Variants in PVT1 observed in about 807,000 individuals in gnomAD.
PVT1 encodes the protein Pvt1 oncogene.
Position 127,921,133 on chromosome 8 carries a change from C to T in PVT1, n.782+30135C>T, listed in dbSNP as rs151301756. Among the ~76,000 whole-genome samples, 150 of 152,236 alleles carry T rather than the reference C, an allele frequency of 9.9e-4. No homozygotes were observed. In the East Asian group the frequency reaches 0.016, roughly 16 times the overall value. On this transcript the variant is annotated intron_variant and non_coding_transcript_variant, in intron 3 of 10. Coordinates refer to ENST00000651587, the Ensembl canonical transcript of PVT1. ...GAAATTGCACGTTTTGTACCAGCTG[C>T]AGGGTTTCCTGGAATCAGCAAAGGC... is the stretch of plus-strand genomic sequence containing the variant.
chr8:127,838,733 T>C (rs2129711327), intron 2 of PVT1, among the ~76,000 whole-genome samples: 1 of 152,208 alleles, frequency 6.6e-6, no homozygotes, highest in East Asian at 1.9e-4. Flanking sequence ...AATGGTAGCT[T>C]CTATTTATTG....
intron 3 of PVT1, among the ~76,000 whole-genome samples, chr8:127,966,911 C>T (rs1361906394): frequency 1.3e-5 from 2 of 152,088 alleles, no homozygotes; most frequent in East Asian, 1.9e-4. Context: ...CCTTGATGTG[C>T]CGAGACTCCA....
At chr8:127,956,364 C>T (rs1049334373) in intron 3 of PVT1, among the ~76,000 whole-genome samples, 2 of 152,248 alleles carry the variant, frequency 1.3e-5, no homozygotes, top group Non-Finnish European at 2.9e-5. Flanking sequence ...CTCTGTCTTT[C>T]CATACTGTGT....
chr8:128,060,288 T>C (rs1442007111), intron 4 of PVT1, among the ~76,000 whole-genome samples: 1 of 152,084 alleles, frequency 6.6e-6, no homozygotes, highest in Non-Finnish European at 1.5e-5. Context: ...TTCGTTGGCC[T>C]CAAAGTTCTT....
intron 4 of PVT1, among the ~76,000 whole-genome samples, chr8:128,002,997 CT>C (rs1817200754): frequency 7.6e-6 from 1 of 131,474 alleles, no homozygotes; most frequent in African/African-American, 2.9e-5. Flanking sequence ...TCCTTCCTCC[CT>C]TCTTTTTTCT....
chr8:127,843,697 G>A (rs1208151421), intron 2 of PVT1, among the ~76,000 whole-genome samples: 1 of 151,620 alleles, frequency 6.6e-6, no homozygotes, highest in Non-Finnish European at 1.5e-5. Flanking sequence ...CACCCTCTCC[G>A]GCCTCCCAAA....
chr8:128,021,372 C>T (rs756739023), intron 4 of PVT1, among the ~76,000 whole-genome samples: 5 of 141,266 alleles, frequency 3.5e-5, no homozygotes, highest in Non-Finnish European at 7.5e-5. Context: ...TGGCTCACTG[C>T]AAGCTCCGCC....
intron 4 of PVT1, among the ~76,000 whole-genome samples, chr8:128,051,950 T>C (rs1479202492): frequency 6.6e-6 from 1 of 152,254 alleles, no homozygotes; most frequent in Non-Finnish European, 1.5e-5. Context: ...GATTGGTTAC[T>C]GGTGCTTTAG....
intron 3 of PVT1, among the ~76,000 whole-genome samples, chr8:127,944,527 T>G (rs577623078): frequency 6.6e-6 from 1 of 151,684 alleles, no homozygotes; most frequent in East Asian, 2.0e-4. Context: ...CCCTCCTTTA[T>G]TTGAATCCCT....
At chr8:127,971,519 G>A (rs967280709) in intron 3 of PVT1, among the ~76,000 whole-genome samples, 1 of 151,156 alleles carries the variant, frequency 6.6e-6, no homozygotes, top group Non-Finnish European at 1.5e-5. Flanking sequence ...CACTGGCATA[G>A]AGCAGGGGCC....
At chr8:127,937,230 C>A (rs1482464332) in intron 3 of PVT1, among the ~76,000 whole-genome samples, 1 of 152,052 alleles carries the variant, frequency 6.6e-6, no homozygotes, top group Non-Finnish European at 1.5e-5. Context: ...GATGCTTTGG[C>A]ACATTATCTA....
chr8:128,054,939 G>T (rs967246015), intron 4 of PVT1, among the ~76,000 whole-genome samples: 1 of 152,182 alleles, frequency 6.6e-6, no homozygotes, highest in African/African-American at 2.4e-5. Flanking sequence ...CCATAATGTG[G>T]ATGGGCCTCA....
Position 128,023,455 on chromosome 8 carries a change from T to C in PVT1, n.912+34164T>C, listed in dbSNP as rs192759492. On this transcript the variant is annotated intron_variant and non_coding_transcript_variant, in intron 4 of 10. Coordinates refer to ENST00000651587, the Ensembl canonical transcript of PVT1. ...TGCCACTGAGCTCGTTGTGCACCAT[T>C]GTTTTGGTAATAGGTACAGTGGGAA... is the stretch of plus-strand genomic sequence containing the variant. Among the ~76,000 whole-genome samples the C allele has an allele frequency of 1.1e-4, 17 of 152,320 alleles. No homozygotes were observed. In the East Asian group the frequency reaches 3.1e-3, roughly 28 times the overall value.
intron 3 of PVT1, among the ~76,000 whole-genome samples, chr8:127,904,855 AGAT>A (rs1425173308): frequency 6.6e-6 from 1 of 152,228 alleles, no homozygotes; most frequent in Non-Finnish European, 1.5e-5. Flanking sequence ...AAGAATTTCT[AGAT>A]GCTGACAGCA....
At chr8:127,846,348 G>C (rs1250324050) in intron 2 of PVT1, among the ~76,000 whole-genome samples, 2 of 152,218 alleles carry the variant, frequency 1.3e-5, no homozygotes, top group African/African-American at 4.8e-5. Context: ...CCTGTGTGGG[G>C]CACCTTTCCT....
chr8:127,920,690 T>G (rs971131905), intron 3 of PVT1, among the ~76,000 whole-genome samples: 16 of 152,176 alleles, frequency 1.1e-4, no homozygotes, highest in African/African-American at 1.7e-4. Flanking sequence ...TAATGAAAAT[T>G]GAGTTTATAA....
At chr8:127,992,714 C>G (rs1817057382) in intron 4 of PVT1, among the ~76,000 whole-genome samples, 1 of 152,234 alleles carries the variant, frequency 6.6e-6, no homozygotes, top group Non-Finnish European at 1.5e-5. Flanking sequence ...ACCCCTGGCC[C>G]TGCTCCCTGG....
chr8:128,087,649 T>C (rs1319970603), intron 5 of PVT1, among the ~76,000 whole-genome samples: 1 of 152,166 alleles, frequency 6.6e-6, no homozygotes, highest in African/African-American at 2.4e-5. Flanking sequence ...ATGCCTCCTA[T>C]TTACTTTGAA....
chr8:127,903,299 T>A (rs1223655925), intron 3 of PVT1, among the ~76,000 whole-genome samples: 1 of 152,240 alleles, frequency 6.6e-6, no homozygotes, highest in African/African-American at 2.4e-5. Flanking sequence ...CTTTGCTTTT[T>A]GATTTAAGTT....
Sources: gnomAD v4.1 joint callset for allele counts (sites outside exome capture counted in the v4.1 genomes callset) on GRCh38, gnomAD v4.1.1 for gene constraint, MANE v1.5 for transcripts, NCBI Gene and HGNC (gene_info 2026-07-23, HGNC 2026-07-21) for gene names.